The following COL24A1 variants were observed in gnomAD, a reference collection of about 807,000 sequenced individuals.
The protein encoded by COL24A1 is collagen alpha-1(XXIV) chain.
COL24A1 carries 224 observed loss-of-function variants against 253.9 expected under a neutral mutation model. The observed-to-expected ratio is 0.88, with a 90% CI of 0.79 to 0.99. COL24A1 has a LOEUF of 0.99. COL24A1 is among the 50% of genes least tolerant of loss of function. The pLI, the probability that COL24A1 is intolerant of heterozygous loss-of-function variation, is 0.00. For synonymous variants in COL24A1, 685 were observed against 673.7 expected (o/e 1.02, Z -0.26); for missense variants, 2,131 against 2,068.5 (o/e 1.03, Z -0.59).
intron 22 of COL24A1, among the ~76,000 whole-genome samples, chr1:85,966,724 A>T (rs1297156944): frequency 6.6e-6 from 1 of 152,176 alleles, no homozygotes; most frequent in Non-Finnish European, 1.5e-5. Context: ...TTGAGAAATG[A>T]TAATTGGATC....
chr1:86,026,031 T>C (rs1466617838), intron 14 of COL24A1, among the ~76,000 whole-genome samples: 5 of 152,214 alleles, frequency 3.3e-5, no homozygotes, highest in Admixed American at 1.3e-4. Context: ...CTACTTATTT[T>C]TCCTTCTATG....
At chr1:85,737,590 T>A in intron 57 of COL24A1, 85 bp from the exon 58 acceptor site, 10 of 891,176 alleles carry the variant, frequency 1.1e-5, no homozygotes, top group Non-Finnish European at 1.3e-5. Flanking sequence ...AGAGAGAGAG[T>A]CTCATTCTGT....
intron 47 of COL24A1, among the ~76,000 whole-genome samples, chr1:85,797,816 CACA>C (rs1360517460): frequency 6.6e-6 from 1 of 152,110 alleles, no homozygotes; most frequent in Non-Finnish European, 1.5e-5. Context: ...GACTGAAATG[CACA>C]GCACACATCA....
At chr1:85,744,898 A>G in intron 56 of COL24A1, 64 bp from the exon 57 acceptor site, 1 of 1,279,778 alleles carries the variant, frequency 7.8e-7, no homozygotes. Context: ...GGGCCAAGGC[A>G]GGAGAAGAAT....
At chr1:86,034,297 T>C (rs543861642) in intron 12 of COL24A1, among the ~76,000 whole-genome samples, 1 of 152,082 alleles carries the variant, frequency 6.6e-6, no homozygotes, top group African/African-American at 2.4e-5. Context: ...ACTCACCCCA[T>C]AGAGAATAAA....
At chr1:85,969,512 G>A (rs1375940082) in intron 22 of COL24A1, among the ~76,000 whole-genome samples, 2 of 146,132 alleles carry the variant, frequency 1.4e-5, no homozygotes, top group South Asian at 2.2e-4. Context: ...GGCTGAGGCA[G>A]GAGAATTGCT....
intron 47 of COL24A1, among the ~76,000 whole-genome samples, chr1:85,802,892 T>C (rs1026462415): frequency 6.6e-6 from 1 of 152,228 alleles, no homozygotes; most frequent in African/African-American, 2.4e-5. Context: ...TGTTGAAGCA[T>C]GTATATAATT....
intron 24 of COL24A1, among the ~76,000 whole-genome samples, chr1:85,933,276 T>G (rs1221167090): frequency 6.6e-6 from 1 of 152,114 alleles, no homozygotes; most frequent in Non-Finnish European, 1.5e-5. Flanking sequence ...GTCAGCCAAA[T>G]AGAGTTCATC....
chr1:85,983,181 C>T (rs682964), intron 20 of COL24A1, among the ~76,000 whole-genome samples: 39,034 of 151,774 alleles, frequency 0.26, 5,104 homozygotes, highest in Non-Finnish European at 0.28. Flanking sequence ...AAAGTAAAAA[C>T]ACAAACCTTT....
At chr1:85,907,455 G>T (rs1425331776) in intron 27 of COL24A1, among the ~76,000 whole-genome samples, 2 of 151,738 alleles carry the variant, frequency 1.3e-5, no homozygotes, top group African/African-American at 4.8e-5. Flanking sequence ...TAATGTCTGG[G>T]TGTTTACACC....
intron 44 of COL24A1, 41 bp downstream of exon 44, chr1:85,823,644 T>C (rs1673892114): frequency 6.2e-7 from 1 of 1,612,966 alleles, no homozygotes; most frequent in Admixed American, 1.7e-5. Context: ...AAATAAGTTA[T>C]ATTAATGTTA....
chr1:86,048,167 G>A (rs944403644), intron 11 of COL24A1, among the ~76,000 whole-genome samples: 2 of 151,852 alleles, frequency 1.3e-5, no homozygotes, highest in Non-Finnish European at 2.9e-5. Flanking sequence ...AATTATATAA[G>A]CATTTTTCAT....
chr1:86,140,320 G>A (rs1412314014), intron 2 of COL24A1, among the ~76,000 whole-genome samples: 2 of 152,182 alleles, frequency 1.3e-5, no homozygotes. Context: ...AAATACCACT[G>A]TCACACTGGG....
In COL24A1 at chr1:86,125,448, AT is replaced by A. The variant is rs1424624476; in HGVS notation, c.887del (p.Asn296MetfsTer42). 1.2e-6 allele frequency: 2 copies of A among 1,613,466 alleles called. No homozygotes were observed. On this transcript the variant is annotated frameshift_variant, in exon 3 of 60. Coordinates refer to ENST00000370571, the MANE Select transcript of COL24A1 (RefSeq NM_152890.7). LOFTEE classifies it high-confidence loss of function. Reference protein sequence around the residue: ...EGKSIPNIIKNDSETVYKRQE... With the variant: ...EGKSIPNIIKXDSETVYKRQE... ...GTCTTTTATACACGGTTTCAGAATC[AT>A]TTTTTATGATATTTGGAATGCTTTT...
chr1:85,743,602 C>A (rs1664878243), intron 57 of COL24A1, among the ~76,000 whole-genome samples: 1 of 152,088 alleles, frequency 6.6e-6, no homozygotes, highest in African/African-American at 2.4e-5. Context: ...TTAGCTATTT[C>A]TCTTATAAGG....
chr1:86,099,566 A>G (rs1008913292), intron 5 of COL24A1, among the ~76,000 whole-genome samples: 46 of 152,246 alleles, frequency 3.0e-4, no homozygotes, highest in African/African-American at 1.0e-3. Context: ...AGGAGGTCCC[A>G]TAATAGCAGC....
chr1:85,812,412 G>A (rs960107178), intron 47 of COL24A1, among the ~76,000 whole-genome samples: 2 of 152,210 alleles, frequency 1.3e-5, no homozygotes, highest in Non-Finnish European at 1.5e-5. Context: ...TCAGCCAGAA[G>A]TGTACAGTTT....
At chr1:85,925,767 G>A (rs1220433533) in intron 24 of COL24A1, among the ~76,000 whole-genome samples, 5 of 152,088 alleles carry the variant, frequency 3.3e-5, no homozygotes, top group Non-Finnish European at 7.3e-5. Context: ...GCATGGGCAA[G>A]GACTTCATGA....
intron 53 of COL24A1, among the ~76,000 whole-genome samples, chr1:85,768,900 T>C (rs1309238288): frequency 6.6e-6 from 1 of 152,178 alleles, no homozygotes; most frequent in Non-Finnish European, 1.5e-5. Context: ...GACTGGGTAC[T>C]AGGTGGTAAC....
Sources: allele counts gnomAD v4.1 joint callset (sites outside exome capture counted in the v4.1 genomes callset), GRCh38; gene constraint gnomAD v4.1.1; transcripts MANE v1.5; gene names NCBI Gene and HGNC (gene_info 2026-07-23, HGNC 2026-07-21).